AP1S3: variants seen among roughly 807,000 people sequenced by gnomAD.
The protein encoded by AP1S3 is adaptor related protein complex 1 subunit sigma 3.
In AP1S3, 10 loss-of-function variants were observed where a neutral mutation model predicts 20.9. That is an observed-to-expected ratio of 0.48 (90% CI 0.29 to 0.81). AP1S3 has a LOEUF of 0.81. AP1S3 is among the 30% of genes least tolerant of loss of function. The probability of loss-of-function intolerance (pLI) is 0.08; values close to 1 mark genes in which losing one functional copy is unlikely to be tolerated. For missense variants in AP1S3, 154 were observed against 183.8 expected (o/e 0.84, Z 0.94); for synonymous variants, 41 against 61.5 (o/e 0.67, Z 1.56).
At chr2:223,789,832 T>C (rs1220230667) in intron 1 of AP1S3, among the ~76,000 whole-genome samples, 54 of 97,532 alleles carry the variant, frequency 5.5e-4, no homozygotes, top group Middle Eastern at 5.5e-3. Context: ...TACAAGACTC[T>C]ATCAAAAAAA....
chr2:223,798,547 A>G (rs1691397699), intron 1 of AP1S3, among the ~76,000 whole-genome samples: 1 of 152,262 alleles, frequency 6.6e-6, no homozygotes, highest in African/African-American at 2.4e-5. Context: ...ACTTACGTGA[A>G]ATGTGAACAT....
chr2:223,837,021 T>C lies in AP1S3; in HGVS notation c.3+427A>G, dbSNP rs375827307. Among the ~76,000 whole-genome samples, 4 of 152,242 alleles carry C rather than the reference T, an allele frequency of 2.6e-5. No homozygotes were observed. The South Asian group carries it at 8.3e-4, about 32-fold the overall frequency. ...CTCCACCCGGTTGTATTTGAGACTT[T>C]ACAGCGCTTCTTACTTTAGAAGTTC... On this transcript the variant is annotated intron_variant, in intron 1 of 4. Transcript: ENST00000396654.
At chr2:223,802,849 T>A (rs1453908095) in intron 1 of AP1S3, among the ~76,000 whole-genome samples, 1 of 152,202 alleles carries the variant, frequency 6.6e-6, no homozygotes, top group Non-Finnish European at 1.5e-5. Flanking sequence ...TCTGGGAATA[T>A]TTTTTGAACA....
At chr2:223,767,848 A>C (rs951958594) in intron 3 of AP1S3, among the ~76,000 whole-genome samples, 1 of 151,338 alleles carries the variant, frequency 6.6e-6, no homozygotes, top group Non-Finnish European at 1.5e-5. Flanking sequence ...CCCCTTCCCC[A>C]CTCATTCCTC....
At chr2:223,824,106 C>T (rs1258794282) in intron 1 of AP1S3, among the ~76,000 whole-genome samples, 7 of 152,140 alleles carry the variant, frequency 4.6e-5, no homozygotes, top group South Asian at 4.1e-4. Context: ...ATCTTCCCAC[C>T]TGAGCCTCCT....
intron 1 of AP1S3, among the ~76,000 whole-genome samples, chr2:223,796,707 A>C (rs1291607072): frequency 1.3e-5 from 2 of 152,056 alleles, no homozygotes; most frequent in African/African-American, 4.8e-5. Flanking sequence ...CTTGTCACCT[A>C]GGCTAGAGTG....
chr2:223,770,776 G>A (rs1026086167), intron 3 of AP1S3, among the ~76,000 whole-genome samples: 51 of 140,424 alleles, frequency 3.6e-4, no homozygotes, highest in Admixed American at 6.1e-4. Flanking sequence ...CACCCAGGCT[G>A]GAGTGCAGTG....
At chr2:223,792,288 T>C (rs781773706) in intron 1 of AP1S3, among the ~76,000 whole-genome samples, 1 of 151,696 alleles carries the variant, frequency 6.6e-6, no homozygotes, top group Non-Finnish European at 1.5e-5. Flanking sequence ...CTTCAAACTA[T>C]GCTACAAGGC....
At chr2:223,807,324 A>T (rs1000686700) in intron 1 of AP1S3, among the ~76,000 whole-genome samples, 6 of 152,188 alleles carry the variant, frequency 3.9e-5, no homozygotes, top group South Asian at 2.1e-4. Context: ...CAATACAGGA[A>T]GGGAAGAACT....
chr2:223,771,037 A>C (rs543397410), intron 3 of AP1S3, among the ~76,000 whole-genome samples: 1 of 151,598 alleles, frequency 6.6e-6, no homozygotes, highest in Admixed American at 6.6e-5. Context: ...TCCCAGTCCC[A>C]AGTCAGGTTT....
chr2:223,812,559 T>G (rs764170348), intron 1 of AP1S3, among the ~76,000 whole-genome samples: 3 of 152,134 alleles, frequency 2.0e-5, no homozygotes, highest in Non-Finnish European at 1.5e-5. Flanking sequence ...AGCAGTAAAT[T>G]TTGGTTCCCT....
At chr2:223,790,557 G>GT (rs1336948177) in intron 1 of AP1S3, among the ~76,000 whole-genome samples, 1 of 151,768 alleles carries the variant, frequency 6.6e-6, no homozygotes, top group African/African-American at 2.4e-5. Context: ...ACCTAATGTA[G>GT]TTTTTTTTCA....
At position 223,837,114 on chromosome 2, in the gene AP1S3, T is replaced by C. The variant is rs201768094; in HGVS notation, c.3+334A>G. ...TCCCCCTCCTGGAAGGTAAGCTTCC[T>C]GGAGAACAGGGGCTCCTCCTGGTCC... On this transcript the variant is annotated intron_variant, in intron 1 of 4. Coordinates refer to ENST00000396654, the MANE Select transcript of AP1S3 (RefSeq NM_001039569.2). Among the ~76,000 whole-genome samples, 22 of 152,184 alleles carry C rather than the reference T, an allele frequency of 1.4e-4. No homozygotes were observed. In the East Asian group the frequency reaches 4.3e-3, roughly 29 times the overall value.
At chr2:223,806,369 C>T (rs563497805) in intron 1 of AP1S3, among the ~76,000 whole-genome samples, 8 of 149,860 alleles carry the variant, frequency 5.3e-5, no homozygotes, top group Non-Finnish European at 8.8e-5. Flanking sequence ...CTGCAAGCTC[C>T]GCCTCCCGGG....
At chr2:223,836,374 C>A (rs1032954830) in intron 1 of AP1S3, among the ~76,000 whole-genome samples, 1 of 152,202 alleles carries the variant, frequency 6.6e-6, no homozygotes, top group Admixed American at 6.5e-5. Flanking sequence ...GGGCTGCGGC[C>A]GGCCTCAGCT....
chr2:223,755,521 T>G lies in AP1S3; in HGVS notation c.*3194A>C, dbSNP rs552383030. 8.1e-5 allele frequency among the ~76,000 whole-genome samples: 11 copies of G among 136,274 alleles called. 1 individual carries two copies. The South Asian group carries it at 2.6e-3, about 33-fold the overall frequency. The allele number at this position is 136,274 out of a possible 152,430, so 89.4% of individuals were successfully genotyped here. On this transcript the variant is annotated 3_prime_UTR_variant, in exon 5 of 5. Transcript: ENST00000396654. ...CACTGTGCCATATAGATATGTTTAC[T>G]TACTTTCATTTTTTTTTTTTTTTTT...
intron 3 of AP1S3, among the ~76,000 whole-genome samples, chr2:223,772,457 C>T (rs898449461): frequency 5.3e-5 from 8 of 152,180 alleles, no homozygotes; most frequent in Non-Finnish European, 1.2e-4. Context: ...TCCTCACACA[C>T]TGAGGCACCA....
At chr2:223,808,809 C>A (rs919741771) in intron 1 of AP1S3, among the ~76,000 whole-genome samples, 4 of 152,088 alleles carry the variant, frequency 2.6e-5, no homozygotes, top group Admixed American at 2.0e-4. Context: ...AGTTCAAGAC[C>A]AGCCTGGGCA....
In AP1S3 at chr2:223,776,000, A is replaced by G. The variant is rs750518603; in HGVS notation, c.192T>C (p.Ser64=). 8.1e-6 allele frequency: 13 copies of G among 1,613,420 alleles called. No homozygotes were observed. Among genetic ancestry groups the G allele is most frequent in the Non-Finnish European group, 1.1e-5 (13 of 1,179,414 alleles). ...ELKLVYKRYA[S]LYFCCAIENQ... is the part of the protein sequence containing the mutation. The stretch of plus-strand genomic sequence containing the variant: ...TTTCTATTGCACAGCAAAAATATAA[A>G]CTAGCATACCTTGAAATGAAAAATA... Residue 64 remains serine (S), a synonymous_variant, in exon 3 of 5, where the codon AGT becomes AGC. Transcript: ENST00000396654.
Sources: gnomAD v4.1 joint callset for allele counts (sites outside exome capture counted in the v4.1 genomes callset) on GRCh38, gnomAD v4.1.1 for gene constraint, MANE v1.5 for transcripts, NCBI Gene and HGNC (gene_info 2026-07-23, HGNC 2026-07-21) for gene names.